Variants in PARK7 observed in about 807,000 individuals in gnomAD.
PARK7 encodes Parkinsonism associated deglycase.
Under a neutral mutation model 20.5 loss-of-function variants are expected in PARK7, and 14 were observed. The observed-to-expected ratio is 0.68, with a 90% CI of 0.45 to 1.07. PARK7 has a LOEUF of 1.07. Ranked by LOEUF, PARK7 falls within the 50% of genes least tolerant of loss-of-function variation. The probability of loss-of-function intolerance (pLI) is 0.00; values close to 1 mark genes in which losing one functional copy is unlikely to be tolerated. For synonymous variants in PARK7, 98 were observed against 84.3 expected (o/e 1.16, Z -0.89); for missense variants, 234 against 238.1 (o/e 0.98, Z 0.11).
intron 6 of PARK7, among the ~76,000 whole-genome samples, chr1:7,982,366 T>C (rs572314419): frequency 6.6e-6 from 1 of 152,278 alleles, no homozygotes; most frequent in South Asian, 2.1e-4. Flanking sequence ...ATCAATGCCT[T>C]CTGCTGGTTG....
intron 6 of PARK7, among the ~76,000 whole-genome samples, chr1:7,978,899 A>G (rs971546174): frequency 6.6e-6 from 1 of 151,800 alleles, no homozygotes; most frequent in Non-Finnish European, 1.5e-5. Context: ...TATCTATCAC[A>G]TACTCATTAT....
chr1:7,966,062 G>C (rs1430178213), intron 3 of PARK7, among the ~76,000 whole-genome samples: 2 of 152,080 alleles, frequency 1.3e-5, no homozygotes, highest in Non-Finnish European at 2.9e-5. Flanking sequence ...CTTTAAGGAC[G>C]ATGGACACTT....
chr1:7,966,949 T>C (rs1640343305), intron 3 of PARK7, among the ~76,000 whole-genome samples: 1 of 152,188 alleles, frequency 6.6e-6, no homozygotes, highest in South Asian at 2.1e-4. Flanking sequence ...TCCTTGCTAT[T>C]TGAAACTATA....
intron 6 of PARK7, among the ~76,000 whole-genome samples, chr1:7,979,834 A>G (rs72854883): frequency 0.052 from 7,975 of 152,220 alleles, 695 homozygotes; most frequent in African/African-American, 0.18. Context: ...GAAAGATACT[A>G]TGTTATCATT....
At chr1:7,975,143 C>T (rs910153102) in intron 5 of PARK7, among the ~76,000 whole-genome samples, 4 of 152,042 alleles carry the variant, frequency 2.6e-5, no homozygotes, top group African/African-American at 7.2e-5. Context: ...CGTGAGCCAC[C>T]GCACCCAGCC....
At position 7,970,926 on chromosome 1, in the gene PARK7, G is replaced by A. The variant is rs1640452044; in HGVS notation, c.285G>A (p.Gln95=). Residue 95 remains glutamine (Q), a synonymous_variant, in exon 5 of 7, where the codon CAG becomes CAA. Coordinates refer to ENST00000338639, the MANE Select transcript of PARK7 (RefSeq NM_007262.5). ...SAAVKEILKE[Q]ENRKGLIAAI... ...CTGTGAAGGAGATACTGAAGGAGCAGGAAAACCGGAAGGGCCTGATAGCCG... is the reference window on the plus strand; with the variant it reads ...CTGTGAAGGAGATACTGAAGGAGCAAGAAAACCGGAAGGGCCTGATAGCCG... 4 of 1,614,174 alleles carry A rather than the reference G, an allele frequency of 2.5e-6. No individual in the cohort carries two copies. In the South Asian group the frequency reaches 3.3e-5, roughly 13 times the overall value.
intron 5 of PARK7, among the ~76,000 whole-genome samples, chr1:7,973,457 A>G (rs1262323014): frequency 6.6e-6 from 1 of 152,204 alleles, no homozygotes; most frequent in African/African-American, 2.4e-5. Context: ...TAAAAACCAC[A>G]TGTCAGTTTG....
At chr1:7,962,975 A>G in intron 2 of PARK7, 100 bp downstream of exon 2, 2 of 962,500 alleles carry the variant, frequency 2.1e-6, no homozygotes, top group South Asian at 1.3e-5. Context: ...GAAATATTTC[A>G]AATATACACA....
intron 6 of PARK7, among the ~76,000 whole-genome samples, chr1:7,978,184 G>A (rs1475376553): frequency 1.3e-5 from 2 of 151,100 alleles, no homozygotes; most frequent in Non-Finnish European, 2.9e-5. Context: ...TTTTAGTAGA[G>A]ATGGGGTTTC....
chr1:7,976,861 C>T (rs1362917832), intron 5 of PARK7, among the ~76,000 whole-genome samples: 3 of 152,298 alleles, frequency 2.0e-5, no homozygotes, highest in African/African-American at 4.8e-5. Flanking sequence ...GCTGGGACTA[C>T]AGGCGCCCGC....
At chr1:7,981,681 C>A (rs1484612533) in intron 6 of PARK7, among the ~76,000 whole-genome samples, 4 of 131,200 alleles carry the variant, frequency 3.0e-5, no homozygotes, top group Non-Finnish European at 6.6e-5. Flanking sequence ...TTTTTTGAGA[C>A]AGAGTCTCTC....
At chr1:7,971,246 A>G (rs1557445770) in intron 5 of PARK7, 2 of 462,074 alleles carry the variant, frequency 4.3e-6, no homozygotes, top group African/African-American at 4.0e-5. Flanking sequence ...TTCAGTAAAC[A>G]GCTTGTTACA....
intron 6 of PARK7, among the ~76,000 whole-genome samples, chr1:7,982,329 T>G (rs1640729403): frequency 6.6e-6 from 1 of 151,982 alleles, no homozygotes; most frequent in African/African-American, 2.4e-5. Context: ...ACTTGGAGTC[T>G]GGTTTAAAAA....
intron 1 of PARK7, among the ~76,000 whole-genome samples, chr1:7,962,473 G>T (rs1025646012): frequency 6.6e-6 from 1 of 152,100 alleles, no homozygotes; most frequent in Non-Finnish European, 1.5e-5. Flanking sequence ...AAACCCATTT[G>T]CAACATACTA....
intron 2 of PARK7, among the ~76,000 whole-genome samples, chr1:7,963,819 CT>C (rs34787365): frequency 0.65 from 93,839 of 144,280 alleles, 31,144 homozygotes; most frequent in African/African-American, 0.83. Context: ...GCATGTGTGT[CT>C]TTTTTTTTTT....
chr1:7,969,425 A>G (rs760394545), intron 4 of PARK7, 21 bp downstream of exon 4: 2 of 1,116,688 alleles, frequency 1.8e-6, no homozygotes, highest in Non-Finnish European at 2.6e-6. Context: ...CTACTCAATT[A>G]TACCTCAATA....
chr1:7,985,024 A>G lies in PARK7; in HGVS notation c.540A>G (p.Gln180=), dbSNP rs763658742. 2.5e-6 allele frequency: 4 copies of G among 1,614,090 alleles called. No homozygotes were observed. In the Admixed American group the frequency reaches 6.7e-5, roughly 27 times the overall value. Residue 180 remains glutamine, a synonymous_variant, in exon 7 of 7, where the codon CAA becomes CAG. Transcript: ENST00000338639. ...EALNGKEVAA[Q]VKAPLVLKD is the part of the protein sequence containing the mutation. Reference sequence around the variant, plus strand: ...TGAATGGCAAGGAGGTGGCGGCTCAAGTGAAGGCTCCACTTGTTCTTAAAG... The same window carrying G: ...TGAATGGCAAGGAGGTGGCGGCTCAGGTGAAGGCTCCACTTGTTCTTAAAG...
At chr1:7,967,947 A>G (rs1309415131) in intron 3 of PARK7, among the ~76,000 whole-genome samples, 3 of 152,110 alleles carry the variant, frequency 2.0e-5, no homozygotes, top group African/African-American at 7.2e-5. Flanking sequence ...GTTGCACTAA[A>G]TACATAATAC....
chr1:7,962,910 T>C lies in PARK7; in HGVS notation c.90+35T>C, dbSNP rs777239384. 7 of 1,524,372 alleles carry C rather than the reference T, an allele frequency of 4.6e-6. No homozygotes were observed. In the South Asian group the frequency reaches 7.8e-5, roughly 17 times the overall value. The allele number at this position is 1,524,372 out of a possible 1,614,324, so 94.4% of individuals were successfully genotyped here. A position where few individuals can be genotyped will look rare whatever the true frequency, so the allele number is the denominator to read the frequency against. On this transcript the variant is annotated intron_variant, in intron 2 of 6. Coordinates refer to ENST00000338639, the MANE Select transcript of PARK7 (RefSeq NM_007262.5). The stretch of plus-strand genomic sequence containing the variant: ...ACATCGATTTTTAGCCATTCCTGTT[T>C]TAAATGTTTTTGGATTTTTAAATCA...
Sources: allele counts gnomAD v4.1 joint callset (sites outside exome capture counted in the v4.1 genomes callset), GRCh38; gene constraint gnomAD v4.1.1; transcripts MANE v1.5; gene names NCBI Gene and HGNC (gene_info 2026-07-23, HGNC 2026-07-21).